ZFAND6: variants seen among roughly 807,000 people sequenced by gnomAD.
ZFAND6 encodes AN1-type zinc finger protein 6.
ZFAND6 carries 12 observed loss-of-function variants against 24.5 expected under a neutral mutation model. The observed-to-expected ratio is 0.49, with a 90% CI of 0.31 to 0.79. ZFAND6 has a LOEUF of 0.79. ZFAND6 is among the 30% of genes least tolerant of loss of function. The probability of loss-of-function intolerance (pLI) is 0.04; values close to 1 mark genes in which losing one functional copy is unlikely to be tolerated. For missense variants in ZFAND6, 207 were observed against 245.9 expected (o/e 0.84, Z 1.06); for synonymous variants, 92 against 81.5 (o/e 1.13, Z -0.69).
intron 2 of ZFAND6, among the ~76,000 whole-genome samples, chr15:80,106,777 T>A (rs1407227665): frequency 5.3e-5 from 8 of 152,158 alleles, no homozygotes; most frequent in Non-Finnish European, 1.0e-4. Flanking sequence ...AAGAACTGTG[T>A]GCCAAAAACC....
At chr15:80,133,744 G>A (rs2040726633) in intron 6 of ZFAND6, among the ~76,000 whole-genome samples, 1 of 152,200 alleles carries the variant, frequency 6.6e-6, no homozygotes, top group African/African-American at 2.4e-5. Context: ...GGCAGGAGGA[G>A]ATCGTCTAAC....
chr15:80,131,298 G>A lies in ZFAND6; in HGVS notation c.478+5G>A, dbSNP rs776745755. 2.5e-6 allele frequency: 4 copies of A among 1,608,986 alleles called. No individual in the cohort carries two copies. The South Asian group carries it at 4.4e-5, about 18-fold the overall frequency. On this transcript the variant is annotated splice_donor_5th_base_variant and intron_variant, in intron 6 of 6. Coordinates refer to ENST00000261749, the MANE Select transcript of ZFAND6 (RefSeq NM_019006.4). ...GGAAGAAAGTGGGACTTACTGGTAA[G>A]GACCTAAATCAAATGTTTAAAATTA... is the stretch of plus-strand genomic sequence containing the variant.
At chr15:80,085,293 G>C (rs772237470) in intron 1 of ZFAND6, among the ~76,000 whole-genome samples, 1 of 152,194 alleles carries the variant, frequency 6.6e-6, no homozygotes, top group Non-Finnish European at 1.5e-5. Flanking sequence ...TTCCACTACT[G>C]TGAATGCTGG....
intron 2 of ZFAND6, among the ~76,000 whole-genome samples, chr15:80,119,886 A>G (rs1381353502): frequency 6.6e-6 from 1 of 152,222 alleles, no homozygotes; most frequent in Non-Finnish European, 1.5e-5. Context: ...TGCTTTTGAA[A>G]CAGAATAAAT....
rs1305736044 is a variant in ZFAND6 at position 80,125,263 on chromosome 15, G to A, written c.364+2463G>A. Among the ~76,000 whole-genome samples, 44 of 152,030 alleles carry A rather than the reference G, an allele frequency of 2.9e-4. 1 individual carries two copies. Among genetic ancestry groups the A allele is most frequent in the Admixed American group, 2.9e-3 (44 of 15,258 alleles). ...CACATACATCTCCCTCAGTTCTCAG[G>A]GTAGGATCAACTCGTTTAGCAAACT... On this transcript the variant is annotated intron_variant, in intron 5 of 6. Transcript: ENST00000261749.
At chr15:80,110,117 G>A (rs1273129311) in intron 2 of ZFAND6, among the ~76,000 whole-genome samples, 1 of 152,156 alleles carries the variant, frequency 6.6e-6, no homozygotes, top group Non-Finnish European at 1.5e-5. Context: ...AGAAAGCAAA[G>A]CAGAAACCAC....
intron 1 of ZFAND6, among the ~76,000 whole-genome samples, chr15:80,086,488 A>T (rs2038014179): frequency 6.6e-6 from 1 of 152,208 alleles, no homozygotes; most frequent in Non-Finnish European, 1.5e-5. Flanking sequence ...TATTCCTTGA[A>T]CCAATTTGTA....
chr15:80,120,237 C>T (rs1916048), intron 2 of ZFAND6, 91 bp from the exon 3 acceptor site: 886,178 of 1,117,508 alleles, frequency 0.79, 353,740 homozygotes, highest in Admixed American at 0.87. Flanking sequence ...TATATGTGGG[C>T]TTTTTTCTTT....
At chr15:80,131,067 C>T (rs1388296485) in intron 5 of ZFAND6, 113 bp from the exon 6 acceptor site, 2 of 739,074 alleles carry the variant, frequency 2.7e-6, no homozygotes, top group East Asian at 2.6e-5. Flanking sequence ...GACTAGTTTT[C>T]TGTGCTAATA....
In ZFAND6 at chr15:80,079,062, C is replaced by A. The variant is rs188390683; in HGVS notation, c.-181+19253C>A. ...CCTCCCGCCACCCCACAACAGTCCC[C>A]AGAGTGTGTCTTCTTTTGAGAAGTA... On this transcript the variant is annotated intron_variant, in intron 1 of 6. Transcript: ENST00000261749. Among the ~76,000 whole-genome samples, 354 of 151,198 alleles carry A rather than the reference C, an allele frequency of 2.3e-3. 1 individual carries two copies. The highest frequency in any genetic ancestry group is 8.3e-3 in the African/African-American group (343 of 41,094).
intron 1 of ZFAND6, among the ~76,000 whole-genome samples, chr15:80,072,243 TGATTTA>T (rs2037019026): frequency 2.0e-5 from 3 of 152,086 alleles, no homozygotes; most frequent in Admixed American, 2.0e-4. Context: ...TAAAAATAAA[TGATTTA>T]GATTAAAAGC....
At chr15:80,131,414 T>G (rs2142052204) in intron 6 of ZFAND6, 121 bp downstream of exon 6, 1 of 722,742 alleles carries the variant, frequency 1.4e-6, no homozygotes, top group East Asian at 2.9e-5. Context: ...TGGATATACT[T>G]CACCTTCTGA....
At chr15:80,075,261 A>G (rs1204842942) in intron 1 of ZFAND6, 3 of 213,336 alleles carry the variant, frequency 1.4e-5, no homozygotes, top group Admixed American at 6.1e-5. Context: ...ACAACATGTA[A>G]TTTGATTGTC....
chr15:80,087,748 A>G (rs1358139647), intron 1 of ZFAND6, among the ~76,000 whole-genome samples: 2 of 152,194 alleles, frequency 1.3e-5, no homozygotes, highest in African/African-American at 4.8e-5. Flanking sequence ...TTACATAGTT[A>G]TTGCATGTAC....
intron 1 of ZFAND6, among the ~76,000 whole-genome samples, chr15:80,073,734 C>T (rs2037109130): frequency 6.6e-6 from 1 of 151,718 alleles, no homozygotes; most frequent in Non-Finnish European, 1.5e-5. Flanking sequence ...TGCAGTTTTC[C>T]AATAATTATG....
intron 1 of ZFAND6, among the ~76,000 whole-genome samples, chr15:80,080,644 T>C (rs1184615279): frequency 6.6e-6 from 1 of 152,236 alleles, no homozygotes; most frequent in African/African-American, 2.4e-5. Context: ...CTTGCATTAC[T>C]ATACAGAAAT....
At chr15:80,116,854 G>A (rs1298802395) in intron 2 of ZFAND6, among the ~76,000 whole-genome samples, 1 of 152,012 alleles carries the variant, frequency 6.6e-6, no homozygotes. Flanking sequence ...TTCCACTGTG[G>A]CCCAGGGAAG....
In ZFAND6 at chr15:80,122,701, C is replaced by T. The variant is rs371672655; in HGVS notation, c.265C>T (p.Pro89Ser). ...DSTSSSMQPS[P>S]VSNQSLLSES... ...AAATGAAATATTTTGCTTTTCTAGC[C>T]CTGTATCAAATCAGTCACTTTTATC... is the stretch of plus-strand genomic sequence containing the variant. The change falls in exon 5 of 7, where the codon CCT becomes TCT. Residue 89 changes from proline (P) to serine (S), a missense_variant and splice_region_variant. Coordinates refer to ENST00000261749, the MANE Select transcript of ZFAND6 (RefSeq NM_019006.4). 3 of 1,611,896 alleles carry T rather than the reference C, an allele frequency of 1.9e-6. No individual in the cohort carries two copies. The African/African-American group carries it at 4.0e-5, about 22-fold the overall frequency.
intron 1 of ZFAND6, among the ~76,000 whole-genome samples, chr15:80,075,853 A>C (rs1482535266): frequency 1.3e-5 from 2 of 152,110 alleles, no homozygotes; most frequent in Non-Finnish European, 2.9e-5. Flanking sequence ...GGTAGAAGAG[A>C]GCAGATCCAT....
Sources: allele counts gnomAD v4.1 joint callset (sites outside exome capture counted in the v4.1 genomes callset), GRCh38; gene constraint gnomAD v4.1.1; transcripts MANE v1.5; gene names NCBI Gene and HGNC (gene_info 2026-07-23, HGNC 2026-07-21).